RSRC1: variants seen among roughly 807,000 people sequenced by gnomAD.
The protein encoded by RSRC1 is serine/Arginine-related protein 53.
RSRC1 carries 39 observed loss-of-function variants against 49.1 expected under a neutral mutation model. That is an observed-to-expected ratio of 0.79 (90% CI 0.61 to 1.04). The LOEUF (loss-of-function observed/expected upper bound fraction) is 1.04. Ranked by LOEUF, RSRC1 falls within the 50% of genes least tolerant of loss-of-function variation. RSRC1 has a pLI of 0.00. For missense variants in RSRC1, 388 were observed against 402.4 expected (o/e 0.96, Z 0.31); for synonymous variants, 143 against 130.8 (o/e 1.09, Z -0.63).
chr3:158,413,178 A>G (rs1237969574), intron 6 of RSRC1, among the ~76,000 whole-genome samples: 3 of 152,164 alleles, frequency 2.0e-5, no homozygotes, highest in African/African-American at 7.2e-5. Flanking sequence ...GATCTCAGAA[A>G]TAAGATCACA....
chr3:158,381,005 C>A (rs1217184009), intron 6 of RSRC1, among the ~76,000 whole-genome samples: 1 of 151,912 alleles, frequency 6.6e-6, no homozygotes, highest in Non-Finnish European at 1.5e-5. Flanking sequence ...TTTAAAAACT[C>A]ACAGATGACC....
chr3:158,142,225 TTTTG>T (rs1482855523), intron 3 of RSRC1, among the ~76,000 whole-genome samples: 1 of 152,246 alleles, frequency 6.6e-6, no homozygotes, highest in Non-Finnish European at 1.5e-5. Flanking sequence ...CATTGTAGAT[TTTTG>T]TTTCTTTATA....
At chr3:158,345,517 C>A (rs1295668832) in intron 5 of RSRC1, among the ~76,000 whole-genome samples, 2 of 151,788 alleles carry the variant, frequency 1.3e-5, no homozygotes, top group African/African-American at 4.8e-5. Context: ...TGGTTCAATC[C>A]CATGCATCCT....
intron 6 of RSRC1, among the ~76,000 whole-genome samples, chr3:158,366,939 C>T (rs1198242578): frequency 6.6e-6 from 1 of 152,130 alleles, no homozygotes; most frequent in Non-Finnish European, 1.5e-5. Flanking sequence ...CATGATTTGA[C>T]TCTCTGTCTG....
chr3:158,524,916 C>T (rs1050993214), intron 7 of RSRC1, among the ~76,000 whole-genome samples: 5 of 151,914 alleles, frequency 3.3e-5, no homozygotes, highest in East Asian at 3.9e-4. Context: ...CAGAAAAATG[C>T]GGGACCCATA....
chr3:158,149,512 A>G (rs1302493133), intron 3 of RSRC1, among the ~76,000 whole-genome samples: 1 of 152,220 alleles, frequency 6.6e-6, no homozygotes, highest in Admixed American at 6.5e-5. Context: ...GCGATGGTCT[A>G]AGTGAACAGA....
chr3:158,501,077 C>A (rs113982399), intron 7 of RSRC1, among the ~76,000 whole-genome samples: 1 of 152,050 alleles, frequency 6.6e-6, no homozygotes, highest in Admixed American at 6.5e-5. Flanking sequence ...TCATTCAGTT[C>A]GAAGAATTTT....
chr3:158,428,863 T>C (rs926882871), intron 6 of RSRC1, among the ~76,000 whole-genome samples: 4 of 151,908 alleles, frequency 2.6e-5, no homozygotes, highest in African/African-American at 9.7e-5. Flanking sequence ...CTTCAGCTGT[T>C]GCTACTAGCG....
chr3:158,276,598 T>TG (rs1434349658), intron 4 of RSRC1, among the ~76,000 whole-genome samples: 1 of 152,230 alleles, frequency 6.6e-6, no homozygotes, highest in Non-Finnish European at 1.5e-5. Context: ...TTTGTCTTAT[T>TG]GGTCCTATAC....
At chr3:158,492,868 A>G (rs1739146294) in intron 7 of RSRC1, among the ~76,000 whole-genome samples, 1 of 152,156 alleles carries the variant, frequency 6.6e-6, no homozygotes, top group Non-Finnish European at 1.5e-5. Context: ...CCCGCAACAC[A>G]CACAGACAAC....
intron 7 of RSRC1, among the ~76,000 whole-genome samples, chr3:158,506,476 A>G (rs1309793172): frequency 2.0e-5 from 3 of 152,090 alleles, no homozygotes; most frequent in South Asian, 4.1e-4. Context: ...AGCCTTTTTC[A>G]AAGCATGTAA....
intron 6 of RSRC1, among the ~76,000 whole-genome samples, chr3:158,430,050 A>G (rs1735692602): frequency 1.4e-5 from 2 of 145,874 alleles, no homozygotes; most frequent in Admixed American, 1.4e-4. Flanking sequence ...TTTTAACACA[A>G]TAATCATAAA....
chr3:158,377,148 G>A (rs1038785962), intron 6 of RSRC1, among the ~76,000 whole-genome samples: 3 of 151,992 alleles, frequency 2.0e-5, no homozygotes, highest in African/African-American at 7.3e-5. Context: ...TCTCTTTATG[G>A]TTCTCATTAG....
At chr3:158,273,523 C>A (rs1160994803) in intron 4 of RSRC1, among the ~76,000 whole-genome samples, 1 of 152,008 alleles carries the variant, frequency 6.6e-6, no homozygotes, top group Non-Finnish European at 1.5e-5. Flanking sequence ...ATAAATTATC[C>A]CCCATTCTAT....
intron 6 of RSRC1, among the ~76,000 whole-genome samples, chr3:158,413,819 A>G (rs765970873): frequency 6.6e-6 from 1 of 152,208 alleles, no homozygotes; most frequent in African/African-American, 2.4e-5. Flanking sequence ...GGCAATTATT[A>G]AAATGTCAAG....
chr3:158,411,089 G>C (rs577145833), intron 6 of RSRC1, among the ~76,000 whole-genome samples: 6 of 152,140 alleles, frequency 3.9e-5, no homozygotes, highest in African/African-American at 1.4e-4. Flanking sequence ...TCTCAGTGTT[G>C]TTCTTAAGAT....
intron 6 of RSRC1, among the ~76,000 whole-genome samples, chr3:158,387,637 A>G (rs1276845302): frequency 6.6e-6 from 1 of 152,182 alleles, no homozygotes; most frequent in African/African-American, 2.4e-5. Context: ...TGTGAAATAA[A>G]GGGGAAAAAC....
chr3:158,543,513 T>G (rs1187602763), intron 9 of RSRC1, 26 bp downstream of exon 9: 2 of 1,578,420 alleles, frequency 1.3e-6, no homozygotes, highest in African/African-American at 2.7e-5. Context: ...TTTACGAATG[T>G]CAGTTGAAGT....
intron 1 of RSRC1, chr3:158,110,706 C>T (rs890901303): frequency 6.6e-6 from 1 of 152,562 alleles, no homozygotes; most frequent in Non-Finnish European, 1.5e-5. Flanking sequence ...CCGCCCTACC[C>T]TTTCTGGCTC....
Sources: allele counts gnomAD v4.1 joint callset (sites outside exome capture counted in the v4.1 genomes callset), GRCh38; gene constraint gnomAD v4.1.1; transcripts MANE v1.5; gene names NCBI Gene and HGNC (gene_info 2026-07-23, HGNC 2026-07-21).